The following ZYG11B variants were observed in gnomAD, a reference collection of about 807,000 sequenced individuals.
The protein encoded by ZYG11B is zyg-11 family member B, cell cycle regulator, also known as protein zyg-11 homolog B.
Under a neutral mutation model 82.4 loss-of-function variants are expected in ZYG11B, and 36 were observed. That is an observed-to-expected ratio of 0.44 (90% CI 0.33 to 0.58). ZYG11B has a LOEUF of 0.58. ZYG11B is among the 20% of genes least tolerant of loss of function. ZYG11B has a pLI of 0.02. For synonymous variants in ZYG11B, 303 were observed against 312.8 expected (o/e 0.97, Z 0.33); for missense variants, 552 against 895.6 (o/e 0.62, Z 4.90).
rs1571809130 is a variant in ZYG11B, at chr1:52,825,420, ACAGTAATGCCTTATAGTGGCACTAGT to A, written c.*3794_*3819del. ...AAATATTGCTTCTTGTCACCCTGGG[ACAGTAATGCCTTATAGTGGCACTAGT>A]CACCTTAAGTAGATTACACATGGTT... On this transcript the variant is annotated 3_prime_UTR_variant, in exon 14 of 14. Coordinates refer to ENST00000294353, the MANE Select transcript of ZYG11B (RefSeq NM_024646.3). 1 of 152,236 alleles carries A rather than the reference ACAGTAATGCCTTATAGTGGCACTAGT, an allele frequency of 6.6e-6. No homozygotes were observed. The highest frequency in any genetic ancestry group is 1.9e-4 in the East Asian group (1 of 5,174). 9.4% of individuals were successfully genotyped at this position (152,236 alleles called of 1,614,324 possible).
At chr1:52,808,576 G>A (rs1320852203) in intron 10 of ZYG11B, among the ~76,000 whole-genome samples, 1 of 151,964 alleles carries the variant, frequency 6.6e-6, no homozygotes, top group Non-Finnish European at 1.5e-5. Context: ...GTATTGTCCA[G>A]GCTGGTCTCA....
intron 1 of ZYG11B, among the ~76,000 whole-genome samples, chr1:52,746,305 A>G (rs928687934): frequency 6.6e-6 from 1 of 152,180 alleles, no homozygotes; most frequent in Non-Finnish European, 1.5e-5. Context: ...GTGCAGTGTC[A>G]TAATCCATGG....
At chr1:52,789,706 C>A (rs1337964041) in intron 5 of ZYG11B, among the ~76,000 whole-genome samples, 1 of 152,044 alleles carries the variant, frequency 6.6e-6, no homozygotes, top group Non-Finnish European at 1.5e-5. Flanking sequence ...TGCTCTCTAT[C>A]TCAAAAAATA....
chr1:52,760,621 TTTC>T (rs1644621384), intron 2 of ZYG11B, among the ~76,000 whole-genome samples: 1 of 152,100 alleles, frequency 6.6e-6, no homozygotes, highest in Non-Finnish European at 1.5e-5. Flanking sequence ...AAATTTTCTT[TTTC>T]TTCTTTTATT....
At chr1:52,783,610 C>CTT (rs1156857504) in intron 4 of ZYG11B, among the ~76,000 whole-genome samples, 1 of 131,534 alleles carries the variant, frequency 7.6e-6, no homozygotes, top group African/African-American at 2.8e-5. Context: ...TTCTTTCTTT[C>CTT]TTTTTTTTTT....
Position 52,813,867 on chromosome 1 carries a change from C to T in ZYG11B, c.1901C>T (p.Ala634Val). 6.2e-7 allele frequency: 1 copy of T among 1,614,086 alleles called. No homozygotes were observed. The highest frequency in any genetic ancestry group is 8.5e-7 in the Non-Finnish European group (1 of 1,180,016). Residue 634 changes from alanine (A) to valine (V), a missense_variant, in exon 12 of 14, where the codon GCT becomes GTT. Ala to Val is a moderately conservative substitution (Grantham distance 64, BLOSUM62 0). Around this residue, in one of 3 missense-constraint regions of ZYG11B, gnomAD observed 127 missense variants for 163.4 expected, o/e 0.78. Coordinates refer to ENST00000294353, the MANE Select transcript of ZYG11B (RefSeq NM_024646.3). ...RNSLLDDLHS[A>V]ILKWPTPECE... ...GTGTCTTTTGTCTTCCAGCATTCAG[C>T]TATTTTGAAATGGCCAACTCCAGAG...
intron 4 of ZYG11B, among the ~76,000 whole-genome samples, chr1:52,783,942 A>ATG (rs1491284759): frequency 7.6e-6 from 1 of 131,294 alleles, no homozygotes; most frequent in African/African-American, 2.7e-5. Flanking sequence ...ACATCTATAC[A>ATG]TATATGTATA....
At chr1:52,803,542 C>T (rs2149960693) in intron 10 of ZYG11B, among the ~76,000 whole-genome samples, 1 of 151,084 alleles carries the variant, frequency 6.6e-6, no homozygotes, top group East Asian at 1.9e-4. Context: ...ATATAATACG[C>T]ATATGCTTCT....
chr1:52,815,866 C>T (rs1279242885), intron 12 of ZYG11B, among the ~76,000 whole-genome samples: 3 of 150,782 alleles, frequency 2.0e-5, no homozygotes, highest in Admixed American at 6.6e-5. Context: ...ACCCAGGAGG[C>T]GGAGGTTGCA....
At chr1:52,767,969 AG>A (rs1170249008) in intron 2 of ZYG11B, among the ~76,000 whole-genome samples, 1 of 152,192 alleles carries the variant, frequency 6.6e-6, no homozygotes, top group Non-Finnish European at 1.5e-5. Context: ...ACTACCCAGC[AG>A]GAATGAAAGT....
At chr1:52,738,853 G>T (rs992989623) in intron 1 of ZYG11B, among the ~76,000 whole-genome samples, 4 of 151,106 alleles carry the variant, frequency 2.6e-5, no homozygotes, top group Admixed American at 6.6e-5. Flanking sequence ...CAGGTGATCC[G>T]CCCACCTTGG....
chr1:52,786,260 G>A (rs772871596), intron 5 of ZYG11B, among the ~76,000 whole-genome samples: 1 of 152,024 alleles, frequency 6.6e-6, no homozygotes, highest in Non-Finnish European at 1.5e-5. Flanking sequence ...GAAATGGGGT[G>A]GGGGAAATGG....
chr1:52,753,451 G>A lies in ZYG11B; in HGVS notation c.31-3007G>A, dbSNP rs1411019686. The stretch of plus-strand genomic sequence containing the variant: ...TTTTTTTTTTTTTTGACAGAGTCTC[G>A]CTCTGTCACCCAGGCTGGCGTGCAA... On this transcript the variant is annotated intron_variant, in intron 1 of 13. Transcript: ENST00000294353. Among the ~76,000 whole-genome samples the A allele has an allele frequency of 1.1e-4, 16 of 143,252 alleles. 1 individual carries two copies. Among genetic ancestry groups the A allele is most frequent in the African/African-American group, 3.1e-4 (12 of 39,010 alleles). The allele number at this position is 143,252 out of a possible 152,430, so 94.0% of individuals were successfully genotyped here. A position where few individuals can be genotyped will look rare whatever the true frequency, so the allele number is the denominator to read the frequency against.
At position 52,726,700 on chromosome 1, in the gene ZYG11B, T is replaced by TGCCCTAGCCGCAGCCGCCCGCC; in HGVS notation, c.30+18_30+39dup. On this transcript the variant is annotated intron_variant, in intron 1 of 13. Coordinates refer to ENST00000294353, the MANE Select transcript of ZYG11B (RefSeq NM_024646.3). ...GCAGCCATGGTGAGGGAGCAAGGCC[T>TGCCCTAGCCGCAGCCGCCCGCC]GCCCTAGCCGCAGCCGCCCGCCACC... 1.4e-6 allele frequency: 2 copies of TGCCCTAGCCGCAGCCGCCCGCC among 1,472,222 alleles called. No homozygotes were observed. Among genetic ancestry groups the TGCCCTAGCCGCAGCCGCCCGCC allele is most frequent in the Non-Finnish European group, 9.0e-7 (1 of 1,117,072 alleles). 91.2% of individuals were successfully genotyped at this position (1,472,222 alleles called of 1,614,324 possible). A position where few individuals can be genotyped will look rare whatever the true frequency, so the allele number is the denominator to read the frequency against.
chr1:52,803,561 T>C (rs1645116798), intron 10 of ZYG11B, among the ~76,000 whole-genome samples: 1 of 152,000 alleles, frequency 6.6e-6, no homozygotes, highest in Non-Finnish European at 1.5e-5. Flanking sequence ...CTTTATATTT[T>C]TTGGTATTGT....
chr1:52,812,415 C>A (rs1645191312), intron 10 of ZYG11B, among the ~76,000 whole-genome samples: 4 of 151,764 alleles, frequency 2.6e-5, no homozygotes, highest in Non-Finnish European at 4.4e-5. Context: ...ATTATTATTT[C>A]TTTGTGAGAC....
rs536043993 is a variant in ZYG11B, at chr1:52,803,457, C to A, written c.1695+1318C>A. Among the ~76,000 whole-genome samples, 14 of 140,422 alleles carry A rather than the reference C, an allele frequency of 1.0e-4. No individual in the cohort carries two copies. The East Asian group carries it at 2.3e-3, about 23-fold the overall frequency. 92.1% of individuals were successfully genotyped at this position (140,422 alleles called of 152,430 possible). A position where few individuals can be genotyped will look rare whatever the true frequency, so the allele number is the denominator to read the frequency against. On this transcript the variant is annotated intron_variant, in intron 10 of 13. Transcript: ENST00000294353. ...CATCTCAAAAGAAAAAAAAAAAAAA[C>A]CACAACACATATATGTGTGTGTGTG...
intron 4 of ZYG11B, among the ~76,000 whole-genome samples, chr1:52,783,849 C>T (rs1186497066): frequency 7.3e-6 from 1 of 137,466 alleles, no homozygotes; most frequent in African/African-American, 3.2e-5. Context: ...TATGTACATA[C>T]ACGTGTGTGT....
At chr1:52,759,112 A>G (rs369616333) in intron 2 of ZYG11B, among the ~76,000 whole-genome samples, 1 of 152,064 alleles carries the variant, frequency 6.6e-6, no homozygotes, top group Admixed American at 6.6e-5. Context: ...TTGTATTTTT[A>G]GTAGAGACGG....
Sources: allele counts gnomAD v4.1 joint callset (sites outside exome capture counted in the v4.1 genomes callset), GRCh38; gene constraint gnomAD v4.1.1; regional missense constraint gnomAD v4.1.1; transcripts MANE v1.5; gene names NCBI Gene and HGNC (gene_info 2026-07-23, HGNC 2026-07-21).